EIF4G3: variants seen among roughly 807,000 people sequenced by gnomAD.
The protein encoded by EIF4G3 is eukaryotic translation initiation factor 4 gamma 3, also known as eIF-4-gamma 3.
EIF4G3 carries 34 observed loss-of-function variants against 186.4 expected under a neutral mutation model. That is an observed-to-expected ratio of 0.18 (90% confidence interval 0.14 to 0.24). The LOEUF (loss-of-function observed/expected upper bound fraction) is 0.24, where lower values mean the gene tolerates loss of function less well. Ranked by LOEUF, EIF4G3 falls within the 10% of genes least tolerant of loss-of-function variation. The probability of loss-of-function intolerance (pLI) is 1.00; values close to 1 mark genes in which losing one functional copy is unlikely to be tolerated. For missense variants in EIF4G3, 1,536 were observed against 1,948.5 expected (o/e 0.79, Z 3.99); for synonymous variants, 673 against 679.5 (o/e 0.99, Z 0.15).
intron 18 of EIF4G3, 127 bp from the exon 19 acceptor site, chr1:20,886,498 A>T: frequency 3.9e-6 from 3 of 770,362 alleles, no homozygotes; most frequent in Non-Finnish European, 5.9e-6. Flanking sequence ...AGGTACTCAA[A>T]CTGGAGGTAA....
chr1:20,903,873 C>G (rs2091254805), intron 15 of EIF4G3, among the ~76,000 whole-genome samples: 1 of 152,004 alleles, frequency 6.6e-6, no homozygotes, highest in Non-Finnish European at 1.5e-5. Flanking sequence ...TTAATTTTAT[C>G]ATGTTAAACC....
chr1:20,991,569 T>TAAA (rs11393266), intron 7 of EIF4G3, among the ~76,000 whole-genome samples: 2 of 142,528 alleles, frequency 1.4e-5, no homozygotes, highest in Admixed American at 7.0e-5. Flanking sequence ...CTCTGTCTCA[T>TAAA]AAAAAAAAAA....
intron 14 of EIF4G3, among the ~76,000 whole-genome samples, chr1:20,914,809 T>C (rs1435329225): frequency 6.6e-6 from 1 of 152,234 alleles, no homozygotes; most frequent in Non-Finnish European, 1.5e-5. Context: ...CTTGAATCCT[T>C]TTAAAGTTAT....
intron 22 of EIF4G3, among the ~76,000 whole-genome samples, chr1:20,862,819 G>T (rs2076649441): frequency 6.6e-6 from 1 of 152,170 alleles, no homozygotes; most frequent in Non-Finnish European, 1.5e-5. Context: ...CTGTCACCCA[G>T]TTGGGAGTGC....
intron 13 of EIF4G3, 91 bp downstream of exon 13, chr1:20,949,912 A>G: frequency 9.3e-7 from 1 of 1,080,328 alleles, no homozygotes; most frequent in Non-Finnish European, 1.4e-6. Flanking sequence ...TAATCCTTGG[A>G]TGCTGTACTC....
At chr1:20,874,568 T>C (rs1433586312) in intron 20 of EIF4G3, among the ~76,000 whole-genome samples, 1 of 152,214 alleles carries the variant, frequency 6.6e-6, no homozygotes, top group African/African-American at 2.4e-5. Context: ...AGGCTGTTTT[T>C]TTCCTACTGA....
At chr1:21,136,491 T>C (rs1275657487) in intron 2 of EIF4G3, among the ~76,000 whole-genome samples, 1 of 151,730 alleles carries the variant, frequency 6.6e-6, no homozygotes, top group African/African-American at 2.4e-5. Context: ...CACTCCAGCC[T>C]GGGTGGCAGA....
chr1:20,870,590 T>C (rs1387127496), intron 20 of EIF4G3, among the ~76,000 whole-genome samples: 1 of 152,196 alleles, frequency 6.6e-6, no homozygotes. Context: ...CTAGAGGGGT[T>C]CTGAGATGAG....
intron 7 of EIF4G3, among the ~76,000 whole-genome samples, chr1:20,990,027 A>T (rs2080718910): frequency 6.6e-6 from 1 of 152,050 alleles, no homozygotes; most frequent in South Asian, 2.1e-4. Flanking sequence ...AAATACAAAA[A>T]ATTAGCCAGA....
chr1:20,898,006 AT>A (rs1415284512), intron 16 of EIF4G3, among the ~76,000 whole-genome samples: 2 of 152,184 alleles, frequency 1.3e-5, no homozygotes, highest in Admixed American at 1.3e-4. Context: ...CTTAAGACAC[AT>A]TGGTGATGGC....
chr1:20,980,526 T>G (rs1005336059), intron 9 of EIF4G3, 78 bp from the exon 10 acceptor site: 1 of 979,990 alleles, frequency 1.0e-6, no homozygotes, highest in Non-Finnish European at 1.5e-6. Context: ...AATAAGAAAG[T>G]AGCTTACTAC....
At chr1:21,162,726 G>GTGT (rs766257582) in intron 2 of EIF4G3, among the ~76,000 whole-genome samples, 27 of 147,494 alleles carry the variant, frequency 1.8e-4, no homozygotes, top group Non-Finnish European at 3.6e-4. Context: ...CCAGCCTGGG[G>GTGT]GACAGAGCGA....
At chr1:21,028,216 T>C (rs1456811013) in intron 4 of EIF4G3, among the ~76,000 whole-genome samples, 1 of 152,230 alleles carries the variant, frequency 6.6e-6, no homozygotes, top group African/African-American at 2.4e-5. Flanking sequence ...ATGGATCGTG[T>C]GATCACTGCA....
Position 20,829,170 on chromosome 1 carries a change from T to G in EIF4G3, c.4164A>C (p.Gly1388=). 6.2e-7 allele frequency: 1 copy of G among 1,613,964 alleles called. No homozygotes were observed. Among genetic ancestry groups the G allele is most frequent in the Non-Finnish European group, 8.5e-7 (1 of 1,179,920 alleles). The change falls in exon 31 of 37, where the codon GGA becomes GGC. Residue 1388 remains glycine (G), a synonymous_variant. Transcript: ENST00000602326. ...ACATGGTAAGTTCTCTCATGGAGAT[T>G]CCACCTTCTTTTAACATGGGGGTCA... The part of the protein sequence containing the change: ...ELVTPMLKEG[G]ISMRELTIEF...
At chr1:20,987,156 C>T (rs1028807680) in intron 7 of EIF4G3, among the ~76,000 whole-genome samples, 17 of 152,200 alleles carry the variant, frequency 1.1e-4, no homozygotes, top group African/African-American at 3.9e-4. Flanking sequence ...TCATCAAAAA[C>T]GTCTAACAAA....
chr1:21,116,838 CAA>C (rs577723036), intron 2 of EIF4G3, among the ~76,000 whole-genome samples: 10 of 67,508 alleles, frequency 1.5e-4, no homozygotes, highest in Admixed American at 3.4e-4. Context: ...GACTCCTTCT[CAA>C]AAAAAAAAAA....
intron 2 of EIF4G3, among the ~76,000 whole-genome samples, chr1:21,148,727 G>T (rs1195960156): frequency 1.7e-5 from 2 of 117,018 alleles, no homozygotes; most frequent in African/African-American, 6.0e-5. Context: ...AAAAAAAAAA[G>T]TGCATGTCTG....
At chr1:20,869,002 T>C (rs1484070588) in intron 20 of EIF4G3, among the ~76,000 whole-genome samples, 1 of 152,178 alleles carries the variant, frequency 6.6e-6, no homozygotes, top group Non-Finnish European at 1.5e-5. Flanking sequence ...TGGACATGCT[T>C]ATCCCCAAAA....
intron 2 of EIF4G3, among the ~76,000 whole-genome samples, chr1:21,130,005 A>T (rs2097124517): frequency 6.6e-6 from 1 of 152,076 alleles, no homozygotes; most frequent in East Asian, 1.9e-4. Flanking sequence ...ACCTAGTACC[A>T]AGCAACGGTA....
Sources: allele counts gnomAD v4.1 joint callset (sites outside exome capture counted in the v4.1 genomes callset), GRCh38; gene constraint gnomAD v4.1.1; transcripts MANE v1.5; gene names NCBI Gene and HGNC (gene_info 2026-07-23, HGNC 2026-07-21).